The following CLCN6 variants were observed in gnomAD, a reference collection of about 807,000 sequenced individuals.
CLCN6 encodes H(+)/Cl(-) exchange transporter 6.
A neutral mutation model predicts 109.8 loss-of-function variants in CLCN6; 70 were observed. The ratio of observed to expected loss-of-function variants is 0.64; its 90% confidence interval spans 0.53 to 0.78. The LOEUF is 0.78. Ranked by LOEUF, CLCN6 falls within the 30% of genes least tolerant of loss-of-function variation. The probability of loss-of-function intolerance (pLI) is 0.00; values close to 1 mark genes in which losing one functional copy is unlikely to be tolerated. For synonymous variants in CLCN6, 444 were observed against 447.8 expected (o/e 0.99, Z 0.11); for missense variants, 984 against 1,142.3 (o/e 0.86, Z 2.00).
chr1:11,828,070 C>T (rs755089605), intron 10 of CLCN6, 36 bp from the exon 11 acceptor site: 2 of 1,511,084 alleles, frequency 1.3e-6, no homozygotes, highest in Non-Finnish European at 1.8e-6. Flanking sequence ...ACATGCCACT[C>T]CTGAACCTTC....
At chr1:11,810,674 G>A (rs12564002) in intron 2 of CLCN6, among the ~76,000 whole-genome samples, 15,061 of 152,178 alleles carry the variant, frequency 0.099, 803 homozygotes, top group South Asian at 0.16. Flanking sequence ...TAAAAAGTTA[G>A]TCATAGCAAA....
intron 22 of CLCN6, among the ~76,000 whole-genome samples, chr1:11,839,333 C>T (rs1644990512): frequency 6.6e-6 from 1 of 152,190 alleles, no homozygotes; most frequent in African/African-American, 2.4e-5. Context: ...AAGATCTCGG[C>T]TCACTGCAGC....
chr1:11,834,706 AAC>A lies in CLCN6; in HGVS notation c.1793+121_1793+122del. 1 of 882,088 alleles carries A rather than the reference AAC, an allele frequency of 1.1e-6. No individual in the cohort carries two copies. The highest frequency in any genetic ancestry group is 1.8e-6 in the Non-Finnish European group (1 of 554,314). 54.6% of individuals were successfully genotyped at this position (882,088 alleles called of 1,614,324 possible). On this transcript the variant is annotated intron_variant, in intron 17 of 22. Transcript: ENST00000346436. The surrounding 1 kb of genome is among the most constrained non-coding windows in gnomAD (Gnocchi z 4.5). The stretch of plus-strand genomic sequence containing the variant: ...TCACTTTTCTTGGGCTGAAAGAAGC[AAC>A]ACACCCATTCCTGAGCATGTGTGAG...
intron 5 of CLCN6, among the ~76,000 whole-genome samples, chr1:11,821,001 G>A (rs1644733736): frequency 2.0e-5 from 3 of 150,876 alleles, no homozygotes; most frequent in Admixed American, 6.6e-5. Flanking sequence ...GCTTGAACCC[G>A]GGAGACAGAG....
rs1173464455 is a variant in CLCN6, at chr1:11,842,704, C to T, written c.*2481C>T. On this transcript the variant is annotated 3_prime_UTR_variant, in exon 23 of 23. Transcript: ENST00000346436. ...GATCAGGGAGTGGGGCCAATGGGCC[C>T]CCGGCCCTGGCTTTGGGACCTTGTG... 6 of 152,318 alleles carry T rather than the reference C, an allele frequency of 3.9e-5. No homozygotes were observed. Among genetic ancestry groups the T allele is most frequent in the Admixed American group, 3.3e-4 (5 of 15,286 alleles). The allele number at this position is 152,318 out of a possible 1,614,324, so 9.4% of individuals were successfully genotyped here.
At position 11,838,817 on chromosome 1, in the gene CLCN6, A is replaced by C. The variant is rs755909332; in HGVS notation, c.2529+157A>C. 8.2e-6 allele frequency: 9 copies of C among 1,090,960 alleles called. No individual in the cohort carries two copies. In the African/African-American group the frequency reaches 9.3e-5, roughly 11 times the overall value. 67.6% of individuals were successfully genotyped at this position (1,090,960 alleles called of 1,614,324 possible). On this transcript the variant is annotated intron_variant, in intron 22 of 22. Transcript: ENST00000346436. ...TTTGAACCCTGCTCGGCTTCCGTGC[A>C]CTCGGGACCCTTTCCCCTGCCTGCC...
intron 2 of CLCN6, among the ~76,000 whole-genome samples, chr1:11,810,175 C>A (rs1644580107): frequency 1.3e-5 from 2 of 152,060 alleles, no homozygotes; most frequent in Admixed American, 6.6e-5. Flanking sequence ...AAAAAGTGCC[C>A]CTTCTTCCTG....
At chr1:11,836,891 C>T (rs757126320) in intron 18 of CLCN6, 108 bp from the exon 19 acceptor site, 24 of 1,287,006 alleles carry the variant, frequency 1.9e-5, no homozygotes, top group African/African-American at 1.0e-4. Context: ...TAAGTTCCTG[C>T]GTCCGGATGT....
At chr1:11,831,489 AAG>A (rs1184458208) in intron 13 of CLCN6, among the ~76,000 whole-genome samples, 2 of 152,138 alleles carry the variant, frequency 1.3e-5, no homozygotes, top group South Asian at 2.1e-4. Context: ...AGAGAAAAAA[AAG>A]AATATGCCGC....
At chr1:11,816,496 T>C in intron 3 of CLCN6, 119 bp from the exon 4 acceptor site, 3 of 892,664 alleles carry the variant, frequency 3.4e-6, no homozygotes, top group Non-Finnish European at 5.3e-6. Context: ...CCCAACATCA[T>C]CTTTACTGTG....
Position 11,816,095 on chromosome 1 carries a change from A to T in CLCN6, c.213+184A>T, listed in dbSNP as rs960328591. 3 of 572,686 alleles carry T rather than the reference A, an allele frequency of 5.2e-6. No homozygotes were observed. The East Asian group carries it at 9.0e-5, about 17-fold the overall frequency. The allele number at this position is 572,686 out of a possible 1,614,324, so 35.5% of individuals were successfully genotyped here. A position where few individuals can be genotyped will look rare whatever the true frequency, so the allele number is the denominator to read the frequency against. On this transcript the variant is annotated intron_variant, in intron 3 of 22. Transcript: ENST00000346436. ...CCTCGCAGGTACTGCAGGTTTTACA[A>T]ACTGGAGGTTGGTGGCAACCCTGTG...
In CLCN6 at chr1:11,841,880, A is replaced by G. The variant is rs564221413; in HGVS notation, c.*1657A>G. ...CTGACCAAAATTGCTTTGACTTCTAAATGTTTCTGCTTCCCAGAATGCACC... is the reference window on the plus strand; with the variant it reads ...CTGACCAAAATTGCTTTGACTTCTAGATGTTTCTGCTTCCCAGAATGCACC... On this transcript the variant is annotated 3_prime_UTR_variant, in exon 23 of 23. Coordinates refer to ENST00000346436, the MANE Select transcript of CLCN6 (RefSeq NM_001286.5). 6.6e-6 allele frequency: 1 copy of G among 152,308 alleles called. No individual in the cohort carries two copies. Among genetic ancestry groups the G allele is most frequent in the East Asian group, 1.9e-4 (1 of 5,186 alleles). 9.4% of individuals were successfully genotyped at this position (152,308 alleles called of 1,614,324 possible).
chr1:11,806,535 T>C, intron 1 of CLCN6, 186 bp downstream of exon 1: 1 of 491,112 alleles, frequency 2.0e-6, no homozygotes, highest in East Asian at 3.5e-5. Context: ...TCTTTTCTCA[T>C]AACCCCTCCT....
intron 13 of CLCN6, 150 bp downstream of exon 13, chr1:11,829,472 C>A (rs973699706): frequency 1.1e-6 from 1 of 939,564 alleles, no homozygotes; most frequent in Non-Finnish European, 1.6e-6. Context: ...AATCTGTAGT[C>A]GTCTTTTTAC....
In CLCN6 at chr1:11,829,801, C is replaced by G. The variant is rs775562682; in HGVS notation, c.1248+479C>G. On this transcript the variant is annotated intron_variant, in intron 13 of 22. Coordinates refer to ENST00000346436, the MANE Select transcript of CLCN6 (RefSeq NM_001286.5). ...GGGAACCTGGGAACAACCCTGGCAT[C>G]ACAGAGGGCAACTCCTCTCTGTTGA... 2.3e-4 allele frequency: 39 copies of G among 166,896 alleles called. 3 individuals carry two copies. The highest frequency in any genetic ancestry group is 4.4e-4 in the Non-Finnish European group (34 of 77,286). The allele number at this position is 166,896 out of a possible 1,614,324, so 10.3% of individuals were successfully genotyped here. A position where few individuals can be genotyped will look rare whatever the true frequency, so the allele number is the denominator to read the frequency against.
chr1:11,822,418 CT>C (rs1329539731), intron 5 of CLCN6, among the ~76,000 whole-genome samples: 2 of 152,094 alleles, frequency 1.3e-5, no homozygotes, highest in African/African-American at 4.8e-5. Context: ...ACCTTTTGTA[CT>C]TTTTGTAGCG....
At chr1:11,807,061 A>G in intron 1 of CLCN6, 70 bp from the exon 2 acceptor site, 1 of 1,339,552 alleles carries the variant, frequency 7.5e-7, no homozygotes, top group Non-Finnish European at 1.1e-6. Flanking sequence ...CACTGATTTC[A>G]GTAAATACTT....
At chr1:11,815,030 CT>C (rs1360001515) in intron 2 of CLCN6, among the ~76,000 whole-genome samples, 6 of 65,608 alleles carry the variant, frequency 9.1e-5, no homozygotes, top group Non-Finnish European at 1.9e-4. Context: ...GAGACTCCGT[CT>C]CAAAAAAAAA....
At chr1:11,831,231 A>G (rs1237727552) in intron 13 of CLCN6, among the ~76,000 whole-genome samples, 1 of 151,056 alleles carries the variant, frequency 6.6e-6, no homozygotes, top group South Asian at 2.1e-4. Context: ...ATCTCGGCTC[A>G]CTGCAAACTC....
Sources: gnomAD v4.1 joint callset for allele counts (sites outside exome capture counted in the v4.1 genomes callset) on GRCh38, gnomAD v4.1.1 for gene constraint, Gnocchi (gnomAD v3.1) non-coding constraint, MANE v1.5 for transcripts, NCBI Gene and HGNC (gene_info 2026-07-23, HGNC 2026-07-21) for gene names.